Variants in CSNK2A2IP observed in about 807,000 individuals in gnomAD.
CSNK2A2IP encodes the protein casein kinase II subunit alpha'-interacting protein.
At chr3:88,429,016 TTGA>T in the CSNK2A2IP span, among the ~76,000 whole-genome samples, 19 of 85,940 alleles carry the variant, frequency 2.2e-4, no homozygotes, top group African/African-American at 6.4e-4. Context: ...ATATTGGCCC[TTGA>T]TTTTAGATAT....
At chr3:88,394,735 T>C in the CSNK2A2IP span, among the ~76,000 whole-genome samples, 2 of 152,252 alleles carry the variant, frequency 1.3e-5, no homozygotes, top group Non-Finnish European at 2.9e-5. Flanking sequence ...TTATTGACTA[T>C]ATATTTGCCT....
chr3:88,365,883 C>G, the CSNK2A2IP span, among the ~76,000 whole-genome samples: 8 of 152,116 alleles, frequency 5.3e-5, no homozygotes, highest in African/African-American at 1.9e-4. Flanking sequence ...CCTGTAATAC[C>G]ATTTTAACTC....
chr3:88,384,490 G>GA, the CSNK2A2IP span, among the ~76,000 whole-genome samples: 1 of 152,108 alleles, frequency 6.6e-6, no homozygotes, highest in Non-Finnish European at 1.5e-5. Flanking sequence ...GGAGTGAGGA[G>GA]AAAAAAGGAA....
At chr3:88,418,988 T>G in the CSNK2A2IP span, among the ~76,000 whole-genome samples, 1 of 152,268 alleles carries the variant, frequency 6.6e-6, no homozygotes, top group Non-Finnish European at 1.5e-5. Context: ...TTGTGAACTG[T>G]GCATGTAGGG....
chr3:88,430,517 C>A, the CSNK2A2IP span, among the ~76,000 whole-genome samples: 1 of 151,866 alleles, frequency 6.6e-6, no homozygotes, highest in Non-Finnish European at 1.5e-5. Context: ...TATTAGTCAT[C>A]CATAGGATAA....
the CSNK2A2IP span, among the ~76,000 whole-genome samples, chr3:88,375,377 G>A: frequency 6.6e-6 from 1 of 151,766 alleles, no homozygotes; most frequent in Admixed American, 6.6e-5. Flanking sequence ...GAAGGGAAGG[G>A]AATTTGGTAC....
chr3:88,446,040 T>TTGTTTCTTTTCTTTCTTTCTC, the CSNK2A2IP span, among the ~76,000 whole-genome samples: 1 of 37,816 alleles, frequency 2.6e-5, no homozygotes, highest in Non-Finnish European at 6.2e-5. Flanking sequence ...TTTTCTTTCT[T>TTGTTTCTTTTCTTTCTTTCTC]TCTTTCTTTC....
the CSNK2A2IP span, among the ~76,000 whole-genome samples, chr3:88,371,003 A>G: frequency 4.0e-5 from 6 of 151,896 alleles, no homozygotes; most frequent in Middle Eastern, 3.4e-3. Context: ...TGAATCAGCC[A>G]GCACCTTCCT....
the CSNK2A2IP span, among the ~76,000 whole-genome samples, chr3:88,443,071 C>T: frequency 0.014 from 2,073 of 152,134 alleles, 40 homozygotes; most frequent in African/African-American, 0.048. Context: ...ACCTTAGGTA[C>T]CCCAGTCTGA....
chr3:88,422,198 A>G, the CSNK2A2IP span, among the ~76,000 whole-genome samples: 1 of 152,224 alleles, frequency 6.6e-6, no homozygotes, highest in Non-Finnish European at 1.5e-5. Flanking sequence ...AAAACAAATA[A>G]TAAAATAATG....
At chr3:88,443,721 A>T in the CSNK2A2IP span, among the ~76,000 whole-genome samples, 1 of 152,160 alleles carries the variant, frequency 6.6e-6, no homozygotes, top group Admixed American at 6.5e-5. Flanking sequence ...CTTCACAAAG[A>T]TGTCATTAAT....
the CSNK2A2IP span, among the ~76,000 whole-genome samples, chr3:88,428,236 A>G: frequency 0.12 from 17,764 of 152,084 alleles, 1,164 homozygotes; most frequent in Non-Finnish European, 0.13. Flanking sequence ...GAACGGCTGT[A>G]TTTACCCAAT....
chr3:88,340,885 T>A, the CSNK2A2IP span, among the ~76,000 whole-genome samples: 36 of 152,036 alleles, frequency 2.4e-4, no homozygotes, highest in African/African-American at 7.9e-4. Flanking sequence ...CCATTCTAAG[T>A]CATATTTTAA....
chr3:88,423,320 C>T, the CSNK2A2IP span, among the ~76,000 whole-genome samples: 5 of 152,012 alleles, frequency 3.3e-5, no homozygotes, highest in African/African-American at 7.2e-5. Context: ...AGAAATTGAT[C>T]GTCTATATTA....
chr3:88,341,236 C>T, the CSNK2A2IP span, among the ~76,000 whole-genome samples: 2 of 151,684 alleles, frequency 1.3e-5, no homozygotes. Flanking sequence ...GGTTCAGAGG[C>T]TATTTTCTTT....
the CSNK2A2IP span, among the ~76,000 whole-genome samples, chr3:88,402,413 G>T: frequency 6.6e-6 from 1 of 151,948 alleles, no homozygotes; most frequent in South Asian, 2.1e-4. Flanking sequence ...AGTGCTTCAG[G>T]ATTTACTTCA....
At chr3:88,447,092 T>A in the CSNK2A2IP span, among the ~76,000 whole-genome samples, 1 of 152,166 alleles carries the variant, frequency 6.6e-6, no homozygotes, top group Non-Finnish European at 1.5e-5. Context: ...ATACTTGTAG[T>A]ATATGTGACT....
chr3:88,463,301 C>T, the CSNK2A2IP span, among the ~76,000 whole-genome samples: 6 of 151,202 alleles, frequency 4.0e-5, no homozygotes, highest in South Asian at 8.4e-4. Flanking sequence ...TCTGAAGAGC[C>T]AACCTTGGAC....
the CSNK2A2IP span, among the ~76,000 whole-genome samples, chr3:88,401,168 T>A: frequency 2.0e-5 from 3 of 152,158 alleles, no homozygotes; most frequent in African/African-American, 7.2e-5. Flanking sequence ...TTTTGAGCAG[T>A]CATTAAAACA....
Sources: allele counts gnomAD v4.1 joint callset (sites outside exome capture counted in the v4.1 genomes callset), GRCh38; gene constraint gnomAD v4.1.1; transcripts MANE v1.5; gene names NCBI Gene and HGNC (gene_info 2026-07-23, HGNC 2026-07-21).